The following DLD variants were observed in gnomAD, a reference collection of about 807,000 sequenced individuals.
The protein encoded by DLD is dihydrolipoamide dehydrogenase, also known as dihydrolipoyl dehydrogenase, mitochondrial.
DLD carries 36 observed loss-of-function variants against 62.2 expected under a neutral mutation model. That is an observed-to-expected ratio of 0.58 (90% CI 0.44 to 0.76). The LOEUF is 0.76. Among genes scored for constraint, DLD ranks in the 30% least tolerant of loss-of-function variants. The pLI, the probability that DLD is intolerant of heterozygous loss-of-function variation, is 0.00. For missense variants in DLD, 541 were observed against 608.6 expected (o/e 0.89, Z 1.17); for synonymous variants, 204 against 199.6 (o/e 1.02, Z -0.19).
chr7:107,894,319 T>G (rs1271097160), intron 2 of DLD, among the ~76,000 whole-genome samples: 1 of 152,240 alleles, frequency 6.6e-6, no homozygotes, highest in Non-Finnish European at 1.5e-5. Flanking sequence ...AAACTGTGAC[T>G]ATCAGTCTCC....
rs1449230410 is a variant in DLD, at chr7:107,919,263, A to G, written c.*4A>G. On this transcript the variant is annotated 3_prime_UTR_variant, in exon 14 of 14. Transcript: ENST00000205402. ...TGGCAAATCAATCAACTTTTGAATT[A>G]GAAGATTATATATATTTTTTTCTGA... The G allele has an allele frequency of 1.9e-6, 3 of 1,603,460 alleles. No individual in the cohort carries two copies. In the African/African-American group the frequency reaches 4.0e-5, roughly 21 times the overall value.
At chr7:107,892,498 A>C (rs986382627) in intron 1 of DLD, among the ~76,000 whole-genome samples, 2 of 152,082 alleles carry the variant, frequency 1.3e-5, no homozygotes, top group South Asian at 4.1e-4. Context: ...TCATGTATAG[A>C]TTATTCAAGT....
At chr7:107,901,860 G>T in intron 3 of DLD, 43 bp downstream of exon 3, 13 of 1,511,500 alleles carry the variant, frequency 8.6e-6, no homozygotes, top group South Asian at 1.1e-5. Context: ...ATTTTAATTT[G>T]GGAAGGGTTG....
chr7:107,918,957 T>TA lies in DLD; in HGVS notation c.1375-52dup. On this transcript the variant is annotated intron_variant, in intron 12 of 13. Transcript: ENST00000205402. Reference sequence around the variant, plus strand: ...TTCCCCTCAACAATTGCTATCCTATTAGCATGTAGTTTTTGCCTTGGAAGC... The same window carrying TA: ...TTCCCCTCAACAATTGCTATCCTATTAAGCATGTAGTTTTTGCCTTGGAAGC... 2.1e-6 allele frequency: 3 copies of TA among 1,422,322 alleles called. No homozygotes were observed. The Admixed American group carries it at 5.0e-5, about 24-fold the overall frequency. 88.1% of individuals were successfully genotyped at this position (1,422,322 alleles called of 1,614,324 possible).
intron 2 of DLD, among the ~76,000 whole-genome samples, chr7:107,898,942 A>C (rs985052335): frequency 6.6e-6 from 1 of 152,206 alleles, no homozygotes; most frequent in African/African-American, 2.4e-5. Flanking sequence ...AGGGTGAGTC[A>C]GAATCATGTG....
intron 8 of DLD, among the ~76,000 whole-genome samples, chr7:107,908,894 A>AT (rs2032073178): frequency 6.6e-6 from 1 of 152,140 alleles, no homozygotes; most frequent in Non-Finnish European, 1.5e-5. Flanking sequence ...TTTAATTCCT[A>AT]TTTGAATCTC....
At chr7:107,915,728 A>C (rs755598348) in intron 9 of DLD, 32 bp downstream of exon 9, 59 of 1,591,186 alleles carry the variant, frequency 3.7e-5, no homozygotes, top group Non-Finnish European at 4.9e-5. Flanking sequence ...TTGATGTATC[A>C]TCCCTGTCTC....
chr7:107,904,596 G>C (rs2031957334), intron 5 of DLD: 1 of 426,266 alleles, frequency 2.3e-6, no homozygotes, highest in African/African-American at 2.1e-5. Context: ...ATGAAATCTA[G>C]CATTTTCCTT....
At position 107,904,877 on chromosome 7, in the gene DLD, T is replaced by A. The variant is rs117252390; in HGVS notation, c.338-81T>A. 0.022 allele frequency: 21,433 copies of A among 989,862 alleles called. 298 individuals are homozygous for A. Among genetic ancestry groups the A allele is most frequent in the Non-Finnish European group, 0.025 (15,872 of 633,574 alleles). 61.3% of individuals were successfully genotyped at this position (989,862 alleles called of 1,614,324 possible). On this transcript the variant is annotated intron_variant, in intron 5 of 13. Transcript: ENST00000205402. The stretch of plus-strand genomic sequence containing the variant: ...CCTTTTATAAGCATTAGGTTGAAAT[T>A]TTCCAGTTGGTGAGTGAAAAACACT...
At chr7:107,896,193 A>G (rs2031718942) in intron 2 of DLD, among the ~76,000 whole-genome samples, 1 of 152,228 alleles carries the variant, frequency 6.6e-6, no homozygotes, top group Admixed American at 6.5e-5. Context: ...ACAGAGCGTA[A>G]CAACAGAGAG....
At chr7:107,902,238 TAGAAGAATTA>T in intron 3 of DLD, 77 bp from the exon 4 acceptor site, 1 of 1,155,618 alleles carries the variant, frequency 8.7e-7, no homozygotes, top group Non-Finnish European at 1.3e-6. Context: ...GCTTGTTTTG[TAGAAGAATTA>T]AGACATATAT....
Position 107,891,212 on chromosome 7 carries a change from A to T in DLD, c.-39A>T, listed in dbSNP as rs766978570. 6.2e-7 allele frequency: 1 copy of T among 1,613,344 alleles called. No homozygotes were observed. Among genetic ancestry groups the T allele is most frequent in the South Asian group, 1.1e-5 (1 of 91,036 alleles). ...GCGGAGCGGCGGAGGCGCCCAGCGGAGGTGAAAGTATTGGCGGAAAGGAAA... is the reference window on the plus strand; with the variant it reads ...GCGGAGCGGCGGAGGCGCCCAGCGGTGGTGAAAGTATTGGCGGAAAGGAAA... On this transcript the variant is annotated 5_prime_UTR_variant, in exon 1 of 14. Coordinates refer to ENST00000205402, the MANE Select transcript of DLD (RefSeq NM_000108.5).
intron 5 of DLD, 83 bp from the exon 6 acceptor site, chr7:107,904,875 A>G: frequency 1.0e-6 from 1 of 977,398 alleles, no homozygotes; most frequent in Non-Finnish European, 1.6e-6. Context: ...TTAGGTTGAA[A>G]TTTTCCAGTT....
intron 9 of DLD, 108 bp downstream of exon 9, chr7:107,915,804 C>A: frequency 1.1e-6 from 1 of 906,960 alleles, no homozygotes; most frequent in Non-Finnish European, 1.7e-6. Context: ...AACTTAAGGT[C>A]ATTTTATTAC....
In DLD at chr7:107,906,372, A is replaced by G. The variant is rs751374506; in HGVS notation, c.684+4A>G. 4 of 1,590,778 alleles carry G rather than the reference A, an allele frequency of 2.5e-6. No homozygotes were observed. Among genetic ancestry groups the G allele is most frequent in the African/African-American group, 1.3e-5 (1 of 74,428 alleles). On this transcript the variant is annotated splice_donor_region_variant and intron_variant, in intron 8 of 13. Coordinates refer to ENST00000205402, the MANE Select transcript of DLD (RefSeq NM_000108.5). Reference sequence around the variant, plus strand: ...AGGAGTAATAGGTGTAGAATTGGTAAGTGTTGTCTTTCTGCCTCTTATTAC... The same window carrying G: ...AGGAGTAATAGGTGTAGAATTGGTAGGTGTTGTCTTTCTGCCTCTTATTAC...
In DLD at chr7:107,906,411, G is replaced by T. The variant is rs1305366884; in HGVS notation, c.684+43G>T. 3.8e-6 allele frequency: 5 copies of T among 1,311,870 alleles called. No individual in the cohort carries two copies. In the African/African-American group the frequency reaches 5.8e-5, roughly 15 times the overall value. 81.3% of individuals were successfully genotyped at this position (1,311,870 alleles called of 1,614,324 possible). On this transcript the variant is annotated intron_variant, in intron 8 of 13. Transcript: ENST00000205402. ...GCCTCTTATTACCTCCTTGGAGTTG[G>T]AAGGGACTTAAAGGTCCCCTTTTTG...
Position 107,901,802 on chromosome 7 carries a change from C to T in DLD, c.183C>T (p.Ala61=), listed in dbSNP as rs2031882834. ...PGGYVAAIKA[A]QLGFKTVCIE... Reference sequence around the variant, plus strand: ...GATATGTTGCTGCTATTAAAGCTGCCCAGTTAGGCTTCAAGGTAAGGTTTG... The same window carrying T: ...GATATGTTGCTGCTATTAAAGCTGCTCAGTTAGGCTTCAAGGTAAGGTTTG... The change falls in exon 3 of 14, where the codon GCC becomes GCT. Residue 61 remains alanine (A), a synonymous_variant. Coordinates refer to ENST00000205402, the MANE Select transcript of DLD (RefSeq NM_000108.5). 2 of 1,612,880 alleles carry T rather than the reference C, an allele frequency of 1.2e-6. No homozygotes were observed. The highest frequency in any genetic ancestry group is 1.1e-5 in the South Asian group (1 of 91,040).
chr7:107,891,322 C>T (rs1156535153), intron 1 of DLD, 33 bp downstream of exon 1: 6 of 1,613,586 alleles, frequency 3.7e-6, no homozygotes, highest in Non-Finnish European at 4.2e-6. Flanking sequence ...CGTGTTGAGC[C>T]AGAGGCACGG....
intron 8 of DLD, among the ~76,000 whole-genome samples, chr7:107,909,600 G>GT (rs1206074462): frequency 5.3e-5 from 8 of 152,146 alleles, no homozygotes; most frequent in Non-Finnish European, 1.2e-4. Flanking sequence ...CCTTCAGAAA[G>GT]TAAGAGTGGT....
Sources: allele counts gnomAD v4.1 joint callset (sites outside exome capture counted in the v4.1 genomes callset), GRCh38; gene constraint gnomAD v4.1.1; transcripts MANE v1.5; gene names NCBI Gene and HGNC (gene_info 2026-07-23, HGNC 2026-07-21).